Variants in TCF12 observed in about 807,000 individuals in gnomAD.
TCF12 encodes the protein transcription factor 12.
In TCF12, 45 loss-of-function variants were observed where a neutral mutation model predicts 86.0. The ratio of observed to expected loss-of-function variants is 0.52; its 90% CI spans 0.41 to 0.67. The LOEUF is 0.67. Among genes scored for constraint, TCF12 ranks in the 30% least tolerant of loss-of-function variants. TCF12 has a pLI of 0.00. For missense variants in TCF12, 881 were observed against 859.9 expected (o/e 1.02, Z -0.31); for synonymous variants, 330 against 299.6 (o/e 1.10, Z -1.05).
At chr15:57,143,639 T>C (rs2053153358) in intron 5 of TCF12, among the ~76,000 whole-genome samples, 1 of 152,130 alleles carries the variant, frequency 6.6e-6, no homozygotes, top group South Asian at 2.1e-4. Flanking sequence ...TGTGTGGCAA[T>C]AGGTTAACAA....
intron 4 of TCF12, among the ~76,000 whole-genome samples, chr15:57,071,758 AG>A (rs1255680475): frequency 2.6e-5 from 4 of 152,206 alleles, no homozygotes; most frequent in African/African-American, 9.6e-5. Flanking sequence ...GAGATTCCAG[AG>A]GAGGGAGATT....
chr15:57,009,396 C>G (rs894951938), intron 3 of TCF12, among the ~76,000 whole-genome samples: 3 of 152,170 alleles, frequency 2.0e-5, no homozygotes, highest in African/African-American at 7.2e-5. Context: ...CAGGTATGAA[C>G]CACTGTGTGT....
intron 3 of TCF12, among the ~76,000 whole-genome samples, chr15:57,009,414 T>C (rs547758376): frequency 6.6e-6 from 1 of 152,184 alleles, no homozygotes; most frequent in Non-Finnish European, 1.5e-5. Flanking sequence ...TGTGGCCTAA[T>C]GGTCCTGTTT....
chr15:57,100,379 A>G (rs546101124), intron 5 of TCF12, among the ~76,000 whole-genome samples: 1 of 151,962 alleles, frequency 6.6e-6, no homozygotes, highest in Non-Finnish European at 1.5e-5. Flanking sequence ...AGCAGCATTA[A>G]CAGATCTTGC....
downstream of TCF12, among the ~76,000 whole-genome samples, chr15:57,290,044 A>C (rs1464746067): frequency 6.8e-6 from 1 of 147,792 alleles, no homozygotes; most frequent in East Asian, 2.0e-4. Context: ...AGACCTTCAC[A>C]TTTCAAAAGA....
At chr15:57,030,577 A>T (rs541308031) in intron 3 of TCF12, among the ~76,000 whole-genome samples, 2 of 152,292 alleles carry the variant, frequency 1.3e-5, no homozygotes, top group African/African-American at 4.8e-5. Context: ...GAAAGTAATC[A>T]CGTTCATTAG....
At chr15:57,156,699 AC>A (rs1337419200) in intron 5 of TCF12, among the ~76,000 whole-genome samples, 2 of 152,180 alleles carry the variant, frequency 1.3e-5, no homozygotes, top group Admixed American at 1.3e-4. Flanking sequence ...GGAATTCCAG[AC>A]CAGTGTTCTC....
In TCF12 at chr15:56,971,259, A is replaced by G. The variant is rs376591411; in HGVS notation, c.148+50161A>G. On this transcript the variant is annotated intron_variant, in intron 3 of 20. Transcript: ENST00000333725. ...GCCAACATCGCGCAACTCCATCTCCACTAAAAACAAAAAAAAAAATTAGCT... is the reference window on the plus strand; with the variant it reads ...GCCAACATCGCGCAACTCCATCTCCGCTAAAAACAAAAAAAAAAATTAGCT... Among the ~76,000 whole-genome samples, 8 of 151,498 alleles carry G rather than the reference A, an allele frequency of 5.3e-5. 1 individual carries two copies. The highest frequency in any genetic ancestry group is 3.3e-4 in the Admixed American group (5 of 15,202).
intron 4 of TCF12, among the ~76,000 whole-genome samples, chr15:57,064,255 A>C (rs1245302995): frequency 3.9e-5 from 6 of 152,228 alleles, no homozygotes; most frequent in Admixed American, 3.3e-4. Flanking sequence ...TCTTGGAAGC[A>C]TATCAAAACA....
chr15:57,036,047 A>AC (rs1224399986), intron 3 of TCF12, among the ~76,000 whole-genome samples: 5 of 109,216 alleles, frequency 4.6e-5, no homozygotes, highest in Non-Finnish European at 7.7e-5. Context: ...AAACCATCCC[A>AC]CCCCCCACCC....
At chr15:57,212,136 T>C (rs536720186) in intron 8 of TCF12, among the ~76,000 whole-genome samples, 67 of 152,306 alleles carry the variant, frequency 4.4e-4, no homozygotes, top group African/African-American at 1.4e-3. Flanking sequence ...TTCTATACTT[T>C]ACCAAAATAA....
intron 5 of TCF12, among the ~76,000 whole-genome samples, chr15:57,123,982 A>AAAAAAAAAAAAAAAAAAAC (rs1555511574): frequency 9.0e-6 from 1 of 111,214 alleles, no homozygotes; most frequent in Admixed American, 9.1e-5. Context: ...AAAAAAAAAA[A>AAAAAAAAAAAAAAAAAAAC]TTTTTTTTTT....
intron 2 of TCF12, among the ~76,000 whole-genome samples, chr15:56,920,524 A>G (rs999640647): frequency 7.5e-6 from 1 of 132,794 alleles, no homozygotes; most frequent in Admixed American, 8.2e-5. Context: ...TGTTCTTAAC[A>G]TGGGAAATGA....
intron 5 of TCF12, among the ~76,000 whole-genome samples, chr15:57,161,032 A>G (rs2054472918): frequency 6.6e-6 from 1 of 151,974 alleles, no homozygotes; most frequent in Admixed American, 6.6e-5. Flanking sequence ...TTCATCTGTC[A>G]GTGACTAGCC....
chr15:57,040,355 T>C (rs1278958369), intron 3 of TCF12, among the ~76,000 whole-genome samples: 2 of 152,224 alleles, frequency 1.3e-5, no homozygotes, highest in Non-Finnish European at 2.9e-5. Context: ...TGGTAAAAAG[T>C]AAATTGATCT....
intron 14 of TCF12, among the ~76,000 whole-genome samples, chr15:57,251,660 T>A (rs769544494): frequency 2.6e-5 from 4 of 152,202 alleles, no homozygotes; most frequent in Admixed American, 6.5e-5. Context: ...GTTATGAGGG[T>A]TTTTGTTTCT....
chr15:57,281,399 C>T (rs1170897227), intron 19 of TCF12, among the ~76,000 whole-genome samples: 2 of 152,218 alleles, frequency 1.3e-5, no homozygotes, highest in African/African-American at 2.4e-5. Context: ...GTAAGATGTG[C>T]TCCACCTATC....
intron 12 of TCF12, among the ~76,000 whole-genome samples, chr15:57,241,235 C>T (rs1342520726): frequency 6.6e-6 from 1 of 152,004 alleles, no homozygotes; most frequent in Non-Finnish European, 1.5e-5. Context: ...GCTGGGATTA[C>T]AGTCGCCCAC....
chr15:57,285,647 T>G (rs1438460075), intron 20 of TCF12, among the ~76,000 whole-genome samples: 2 of 152,178 alleles, frequency 1.3e-5, no homozygotes, highest in Non-Finnish European at 2.9e-5. Context: ...AATGAATGAG[T>G]AGCACCTCAG....
Sources: allele counts gnomAD v4.1 joint callset (sites outside exome capture counted in the v4.1 genomes callset), GRCh38; gene constraint gnomAD v4.1.1; transcripts MANE v1.5; gene names NCBI Gene and HGNC (gene_info 2026-07-23, HGNC 2026-07-21).